The following KHDRBS2 variants were observed in gnomAD, a reference collection of about 807,000 sequenced individuals.
The protein encoded by KHDRBS2 is KH RNA binding domain containing, signal transduction associated 2, also known as KH domain-containing, RNA-binding, signal transduction-associated protein 2.
KHDRBS2 carries 26 observed loss-of-function variants against 44.3 expected under a neutral mutation model. The ratio of observed to expected loss-of-function variants is 0.59; its 90% confidence interval spans 0.43 to 0.81. KHDRBS2 has a LOEUF of 0.81. Among genes scored for constraint, KHDRBS2 ranks in the 40% least tolerant of loss-of-function variants. The pLI is 0.00. For missense variants in KHDRBS2, 476 were observed against 433.1 expected, an observed-to-expected ratio of 1.10 and a Z score of -0.88; for synonymous variants, 194 against 151.1, an observed-to-expected ratio of 1.28 and a Z score of -2.08.
At chr6:62,225,747 CT>C (rs1400889140) in intron 1 of KHDRBS2, among the ~76,000 whole-genome samples, 2 of 148,640 alleles carry the variant, frequency 1.3e-5, no homozygotes, top group African/African-American at 5.0e-5. Context: ...TCCATGTGTT[CT>C]CATTGTTCAA....
the KHDRBS2 span, among the ~76,000 whole-genome samples, chr6:61,634,653 G>T: frequency 6.6e-6 from 1 of 152,008 alleles, no homozygotes; most frequent in African/African-American, 2.4e-5. Context: ...TCTACAAACT[G>T]CAGAGCAGTT....
chr6:62,241,694 T>A (rs1214259586), intron 1 of KHDRBS2, among the ~76,000 whole-genome samples: 2 of 147,136 alleles, frequency 1.4e-5, no homozygotes, highest in South Asian at 2.1e-4. Flanking sequence ...TATGTCTAAG[T>A]TTTTATTTGA....
intron 2 of KHDRBS2, among the ~76,000 whole-genome samples, chr6:62,174,438 A>G (rs1820693686): frequency 6.6e-6 from 1 of 151,664 alleles, no homozygotes; most frequent in African/African-American, 2.4e-5. Context: ...TTAATATTAT[A>G]ATATGACATA....
the KHDRBS2 span, among the ~76,000 whole-genome samples, chr6:61,551,210 G>T: frequency 6.6e-6 from 1 of 152,044 alleles, no homozygotes; most frequent in East Asian, 1.9e-4. Context: ...TTTCAATGGG[G>T]TTGATTGTTT....
chr6:62,004,167 AG>A (rs759172213), intron 3 of KHDRBS2, among the ~76,000 whole-genome samples: 2 of 152,218 alleles, frequency 1.3e-5, no homozygotes, highest in Non-Finnish European at 2.9e-5. Flanking sequence ...GCAGAACTGA[AG>A]GAAATAGAGA....
intron 1 of KHDRBS2, among the ~76,000 whole-genome samples, chr6:62,206,841 G>A (rs1828061487): frequency 1.3e-5 from 2 of 152,050 alleles, no homozygotes. Context: ...TTGTTTTTCA[G>A]TGCTTGTGAT....
chr6:61,598,837 C>CTTTTTTTTTTTT, the KHDRBS2 span, among the ~76,000 whole-genome samples: 7 of 65,508 alleles, frequency 1.1e-4, no homozygotes, highest in Non-Finnish European at 1.7e-4. Flanking sequence ...TTTTTCTTTT[C>CTTTTTTTTTTTT]TTTTTTTTTT....
intron 2 of KHDRBS2, among the ~76,000 whole-genome samples, chr6:62,120,293 T>A (rs1371102556): frequency 1.3e-5 from 2 of 152,080 alleles, no homozygotes; most frequent in Non-Finnish European, 2.9e-5. Flanking sequence ...AGTGAATTAG[T>A]CACTTTAGAT....
In KHDRBS2 at chr6:61,978,165, A is replaced by G. The variant is rs1583918975; in HGVS notation, c.384T>C (p.Ser128=). Residue 128 remains serine (S), a synonymous_variant, in exon 4 of 9, where the codon AGT becomes AGC. Transcript: ENST00000281156. ...KSGEAKYAHL[S]DELHVLIEVF... Reference sequence around the variant, plus strand: ...CTTCAATTAATACATGAAGCTCATCACTCAAGTGGGCATATTTGGCTTCCC... The same window carrying G: ...CTTCAATTAATACATGAAGCTCATCGCTCAAGTGGGCATATTTGGCTTCCC... 6.2e-7 allele frequency: 1 copy of G among 1,611,180 alleles called. No individual in the cohort carries two copies. Among genetic ancestry groups the G allele is most frequent in the Non-Finnish European group, 8.5e-7 (1 of 1,178,348 alleles).
At chr6:62,032,560 T>A (rs1298365673) in intron 3 of KHDRBS2, among the ~76,000 whole-genome samples, 2 of 150,220 alleles carry the variant, frequency 1.3e-5, no homozygotes, top group Non-Finnish European at 3.0e-5. Context: ...TATATATGTA[T>A]ATACATTTCA....
intron 4 of KHDRBS2, among the ~76,000 whole-genome samples, chr6:61,930,291 G>C (rs1289727736): frequency 6.6e-6 from 1 of 151,980 alleles, no homozygotes; most frequent in Admixed American, 6.6e-5. Flanking sequence ...GTGGTATTTT[G>C]TTATAGCAGC....
intron 6 of KHDRBS2, among the ~76,000 whole-genome samples, chr6:61,856,548 G>C (rs2127291188): frequency 6.9e-6 from 1 of 144,542 alleles, no homozygotes. Flanking sequence ...GATTATGATT[G>C]CTTTTTTTTT....
intron 6 of KHDRBS2, among the ~76,000 whole-genome samples, chr6:61,886,599 C>G (rs1295122418): frequency 2.0e-5 from 3 of 151,992 alleles, no homozygotes; most frequent in Admixed American, 6.6e-5. Context: ...ATATGTATAA[C>G]CTTTTCCCCC....
At chr6:61,647,187 A>T in the KHDRBS2 span, among the ~76,000 whole-genome samples, 17 of 152,168 alleles carry the variant, frequency 1.1e-4, no homozygotes, top group Non-Finnish European at 5.9e-5. Context: ...TATGAGTCTG[A>T]GGATAAAATA....
At chr6:62,119,604 T>A (rs4487565) in intron 2 of KHDRBS2, among the ~76,000 whole-genome samples, 92,895 of 151,946 alleles carry the variant, frequency 0.61, 28,570 homozygotes, top group Non-Finnish European at 0.62. Flanking sequence ...GGACCCTGCA[T>A]CTTGGAATGG....
chr6:61,555,157 G>T, the KHDRBS2 span, among the ~76,000 whole-genome samples: 1 of 151,708 alleles, frequency 6.6e-6, no homozygotes, highest in Non-Finnish European at 1.5e-5. Context: ...TCATAAATTG[G>T]GTCTCTTTAA....
chr6:62,237,960 A>C (rs111850488), intron 1 of KHDRBS2, among the ~76,000 whole-genome samples: 8,384 of 151,174 alleles, frequency 0.055, 320 homozygotes, highest in Non-Finnish European at 0.072. Context: ...AATCACTTGA[A>C]CCTGGGAGGC....
At chr6:62,245,702 C>A (rs551231601) in intron 1 of KHDRBS2, among the ~76,000 whole-genome samples, 1 of 151,874 alleles carries the variant, frequency 6.6e-6, no homozygotes, top group African/African-American at 2.4e-5. Flanking sequence ...ACTTATGTGG[C>A]AAATAATAAT....
chr6:61,783,556 T>C (rs1783353323), intron 6 of KHDRBS2, among the ~76,000 whole-genome samples: 1 of 152,132 alleles, frequency 6.6e-6, no homozygotes, highest in African/African-American at 2.4e-5. Context: ...GCCTTCAAAA[T>C]TCATGCTCTG....
Sources: gnomAD v4.1 joint callset for allele counts (sites outside exome capture counted in the v4.1 genomes callset) on GRCh38, gnomAD v4.1.1 for gene constraint, MANE v1.5 for transcripts, NCBI Gene and HGNC (gene_info 2026-07-23, HGNC 2026-07-21) for gene names.